The following TTC3 variants were observed in gnomAD, a reference collection of about 807,000 sequenced individuals.
The protein encoded by TTC3 is tetratricopeptide repeat domain 3, also known as E3 ubiquitin-protein ligase TTC3.
In TTC3, 180 loss-of-function variants were observed where a neutral mutation model predicts 249.6. The ratio of observed to expected loss-of-function variants is 0.72; its 90% CI spans 0.64 to 0.82. The LOEUF (loss-of-function observed/expected upper bound fraction) is 0.82, where lower values mean the gene tolerates loss of function less well. Ranked by LOEUF, TTC3 falls within the 40% of genes least tolerant of loss-of-function variation. TTC3 has a pLI of 0.00. For missense variants in TTC3, 2,061 were observed against 2,398.4 expected, an observed-to-expected ratio of 0.86 and a Z score of 2.94; for synonymous variants, 717 against 805.0, an observed-to-expected ratio of 0.89 and a Z score of 1.85.
At chr21:37,121,293 A>G (rs1349273726) in intron 11 of TTC3, 1 of 152,270 alleles carries the variant, frequency 6.6e-6, no homozygotes, top group East Asian at 1.9e-4. Context: ...AGACGGCTGG[A>G]TGGAAGATCT....
At chr21:37,132,882 T>C in intron 17 of TTC3, 116 bp downstream of exon 17, 3 of 737,548 alleles carry the variant, frequency 4.1e-6, no homozygotes, top group Non-Finnish European at 6.0e-6. Context: ...ATTATTGTAT[T>C]ATATTGTAGT....
chr21:37,167,852 GTTTTA>G (rs1385575191), intron 34 of TTC3, among the ~76,000 whole-genome samples: 11 of 151,672 alleles, frequency 7.3e-5, no homozygotes, highest in African/African-American at 2.2e-4. Flanking sequence ...CAGCGTTATT[GTTTTA>G]TTTTATTATT....
At chr21:37,187,351 A>C (rs1362891305) in intron 38 of TTC3, among the ~76,000 whole-genome samples, 1 of 152,202 alleles carries the variant, frequency 6.6e-6, no homozygotes, top group Non-Finnish European at 1.5e-5. Context: ...GTTGTTACTT[A>C]AATGCACTCA....
intron 11 of TTC3, among the ~76,000 whole-genome samples, chr21:37,114,250 C>T (rs1342335382): frequency 6.6e-6 from 1 of 151,888 alleles, no homozygotes; most frequent in Non-Finnish European, 1.5e-5. Context: ...AGTGAACAGG[C>T]AACCTACAAA....
At chr21:37,142,652 G>A (rs919428144) in intron 20 of TTC3, among the ~76,000 whole-genome samples, 4 of 152,258 alleles carry the variant, frequency 2.6e-5, no homozygotes, top group Non-Finnish European at 4.4e-5. Flanking sequence ...AATCAATATC[G>A]TGAAAATGGC....
Position 37,124,758 on chromosome 21 carries a change from A to C in TTC3, c.1233+16A>C. 6.2e-7 allele frequency: 1 copy of C among 1,607,470 alleles called. No individual in the cohort carries two copies. The highest frequency in any genetic ancestry group is 8.5e-7 in the Non-Finnish European group (1 of 1,178,712). On this transcript the variant is annotated intron_variant, in intron 14 of 45. Transcript: ENST00000355666. ...GAATCTAAAGGTAAGCTCCATTGAAAACTACAGTTTTTTTCAAGGATAGAT... is the reference window on the plus strand; with the variant it reads ...GAATCTAAAGGTAAGCTCCATTGAACACTACAGTTTTTTTCAAGGATAGAT...
intron 29 of TTC3, 128 bp downstream of exon 29, chr21:37,159,873 G>T: frequency 1.3e-6 from 1 of 751,568 alleles, no homozygotes; most frequent in Admixed American, 3.1e-5. Context: ...AAGGACGTCT[G>T]GGTAGTACGT....
At chr21:37,135,249 T>G in intron 17 of TTC3, 131 bp from the exon 18 acceptor site, 1 of 966,584 alleles carries the variant, frequency 1.0e-6, no homozygotes, top group Non-Finnish European at 1.5e-6. Flanking sequence ...ATATGATGAA[T>G]AAGGGTAGTT....
Position 37,201,521 on chromosome 21 carries a change from G to A in TTC3, c.6025G>A (p.Gly2009Arg), listed in dbSNP as rs567863552. 10 of 1,614,004 alleles carry A rather than the reference G, an allele frequency of 6.2e-6. No individual in the cohort carries two copies. The African/African-American group carries it at 1.1e-4, about 17-fold the overall frequency. Reference sequence around the variant, plus strand: ...TCTCCTGACAGAAGAGTCACCTTCTGGAAGAGGCTGGCCCAGTCAGAATCA... The same window carrying A: ...TCTCCTGACAGAAGAGTCACCTTCTAGAAGAGGCTGGCCCAGTCAGAATCA... The change falls in exon 46 of 46, where the codon GGA becomes AGA. Residue 2009 changes from glycine to arginine, a missense_variant. Physicochemically the swap from Gly to Arg is moderately radical, Grantham distance 125. Coordinates refer to ENST00000355666, the Ensembl canonical transcript of TTC3.
At chr21:37,116,209 A>G (rs1415577671) in intron 11 of TTC3, among the ~76,000 whole-genome samples, 1 of 152,228 alleles carries the variant, frequency 6.6e-6, no homozygotes, top group Non-Finnish European at 1.5e-5. Context: ...AGTAGATTGC[A>G]GTTGAATTAG....
At chr21:37,097,441 G>A (rs902145962) in intron 10 of TTC3, among the ~76,000 whole-genome samples, 2 of 152,122 alleles carry the variant, frequency 1.3e-5, no homozygotes, top group Non-Finnish European at 2.9e-5. Flanking sequence ...ACCAGAAAAC[G>A]AAGTTGGAAT....
At chr21:37,107,367 C>G (rs551847579) in intron 10 of TTC3, among the ~76,000 whole-genome samples, 1 of 152,184 alleles carries the variant, frequency 6.6e-6, no homozygotes, top group South Asian at 2.1e-4. Context: ...GAAGTTTGAA[C>G]AGTTTTGAGT....
chr21:37,202,791 T>C (rs1160685920), exon 46 of TTC3: 1 of 152,262 alleles, frequency 6.6e-6, no homozygotes, highest in African/African-American at 2.4e-5. Context: ...GTCATGAGTT[T>C]ATGAGCTGAT....
chr21:37,184,263 C>T (rs2083022817), intron 36 of TTC3, among the ~76,000 whole-genome samples: 1 of 152,120 alleles, frequency 6.6e-6, no homozygotes, highest in African/African-American at 2.4e-5. Context: ...TTGTTCAATT[C>T]AGACATACTG....
intron 1 of TTC3, among the ~76,000 whole-genome samples, chr21:37,080,868 TC>T (rs1813621994): frequency 6.6e-6 from 1 of 152,144 alleles, no homozygotes; most frequent in Admixed American, 6.5e-5. Context: ...ACTGGATTTT[TC>T]TTTTAATCTC....
At chr21:37,143,147 A>G (rs1295659659) in intron 20 of TTC3, among the ~76,000 whole-genome samples, 4 of 152,238 alleles carry the variant, frequency 2.6e-5, no homozygotes, top group African/African-American at 7.2e-5. Flanking sequence ...AAAACCCTAG[A>G]AGAAAACCTA....
At chr21:37,147,880 C>T (rs2079120298) in intron 22 of TTC3, among the ~76,000 whole-genome samples, 3 of 152,140 alleles carry the variant, frequency 2.0e-5, no homozygotes, top group South Asian at 4.1e-4. Flanking sequence ...AGGCGTGTCC[C>T]AGCACGCCCA....
At chr21:37,192,491 TTGTG>T (rs60538841) in intron 41 of TTC3, among the ~76,000 whole-genome samples, 47 of 140,674 alleles carry the variant, frequency 3.3e-4, no homozygotes, top group African/African-American at 4.6e-4. Flanking sequence ...TCTTCTATCT[TTGTG>T]TGTGTGTGTG....
At chr21:37,145,351 G>A (rs1169932043) in intron 21 of TTC3, among the ~76,000 whole-genome samples, 4 of 152,282 alleles carry the variant, frequency 2.6e-5, no homozygotes, top group East Asian at 1.9e-4. Flanking sequence ...TTTCTGCAAC[G>A]AAGATATACA....
Sources: gnomAD v4.1 joint callset for allele counts (sites outside exome capture counted in the v4.1 genomes callset) on GRCh38, gnomAD v4.1.1 for gene constraint, MANE v1.5 for transcripts, NCBI Gene and HGNC (gene_info 2026-07-23, HGNC 2026-07-21) for gene names.